The following RXRG variants were observed in gnomAD, a reference collection of about 807,000 sequenced individuals.
RXRG encodes the protein retinoic acid receptor RXR-gamma.
Under a neutral mutation model 49.2 loss-of-function variants are expected in RXRG, and 19 were observed. The ratio of observed to expected loss-of-function variants is 0.39; its 90% confidence interval spans 0.27 to 0.57. The LOEUF (loss-of-function observed/expected upper bound fraction) is 0.57. Ranked by LOEUF, RXRG falls within the 20% of genes least tolerant of loss-of-function variation. The pLI is 0.64. For missense variants in RXRG, 452 were observed against 592.5 expected (o/e 0.76, Z 2.46); for synonymous variants, 224 against 216.6 (o/e 1.03, Z -0.30).
intron 1 of RXRG, among the ~76,000 whole-genome samples, chr1:165,430,893 T>C (rs918612417): frequency 6.6e-6 from 1 of 152,216 alleles, no homozygotes; most frequent in African/African-American, 2.4e-5. Flanking sequence ...TAGAAGCTCT[T>C]ATTCAACCTT....
chr1:165,411,894 T>C (rs1322846297), intron 4 of RXRG, among the ~76,000 whole-genome samples: 1 of 152,182 alleles, frequency 6.6e-6, no homozygotes, highest in South Asian at 2.1e-4. Flanking sequence ...AAAGTCTCTG[T>C]TGGGTTAGTT....
At chr1:165,414,824 C>T (rs982271072) in intron 4 of RXRG, among the ~76,000 whole-genome samples, 1 of 152,170 alleles carries the variant, frequency 6.6e-6, no homozygotes, top group Non-Finnish European at 1.5e-5. Flanking sequence ...ATGACGTAAG[C>T]ACAGAGTAGG....
chr1:165,434,846 C>G (rs1351352177), intron 1 of RXRG, among the ~76,000 whole-genome samples: 1 of 152,244 alleles, frequency 6.6e-6, no homozygotes, highest in East Asian at 1.9e-4. Context: ...TATCCTTTCC[C>G]TGCTTCGCTC....
In RXRG at chr1:165,428,847, T is replaced by A. The variant is rs1435213742; in HGVS notation, c.169A>T (p.Ser57Cys). ...DTPVSAPRTL[S>C]AVGTPLNALG... The stretch of plus-strand genomic sequence containing the variant: ...GCATTGAGGGGGGTCCCCACTGCAC[T>A]CAGAGTCCGTGGGGCACTCACTGGG... The change falls in exon 2 of 10, where the codon AGT (serine) becomes TGT (cysteine). Residue 57 changes from serine (S) to cysteine (C), a missense_variant. Around this residue, in one of 2 missense-constraint regions of RXRG, gnomAD observed 166 missense variants for 151.7 expected, o/e 1.09. Transcript: ENST00000359842. 1.2e-6 allele frequency: 2 copies of A among 1,614,112 alleles called. No homozygotes were observed. Among genetic ancestry groups the A allele is most frequent in the South Asian group, 2.2e-5 (2 of 91,082 alleles).
At chr1:165,436,915 C>G (rs1658832087) in intron 1 of RXRG, 5 of 1,108,718 alleles carry the variant, frequency 4.5e-6, no homozygotes, top group Non-Finnish European at 5.5e-6. Flanking sequence ...AACAACCAAA[C>G]TTGAAAAGTG....
chr1:165,407,356 A>C (rs182249223), intron 8 of RXRG, among the ~76,000 whole-genome samples: 9 of 152,290 alleles, frequency 5.9e-5, no homozygotes, highest in Non-Finnish European at 1.2e-4. Flanking sequence ...ATAATTCTGA[A>C]GGTTCATCTT....
intron 2 of RXRG, among the ~76,000 whole-genome samples, chr1:165,422,044 T>C (rs1658337697): frequency 6.6e-6 from 1 of 151,836 alleles, no homozygotes; most frequent in South Asian, 2.1e-4. Flanking sequence ...TGTCCCCAAG[T>C]CCTCAGAGGG....
At chr1:165,437,032 G>A in intron 1 of RXRG, 1 of 1,237,560 alleles carries the variant, frequency 8.1e-7, no homozygotes, top group Non-Finnish European at 1.0e-6. Context: ...TAGGCTGGTT[G>A]CCTGGGTTTC....
At chr1:165,404,940 G>T (rs569957947) in intron 9 of RXRG, among the ~76,000 whole-genome samples, 1 of 152,222 alleles carries the variant, frequency 6.6e-6, no homozygotes, top group African/African-American at 2.4e-5. Context: ...TGTATTATTA[G>T]TAGAGACAGG....
At chr1:165,429,577 C>T (rs531607737) in intron 1 of RXRG, among the ~76,000 whole-genome samples, 3 of 152,146 alleles carry the variant, frequency 2.0e-5, no homozygotes, top group Non-Finnish European at 4.4e-5. Context: ...TTTCCTATAT[C>T]TATTGAAGCT....
chr1:165,423,029 C>T (rs1389332198), intron 2 of RXRG, among the ~76,000 whole-genome samples: 1 of 152,224 alleles, frequency 6.6e-6, no homozygotes, highest in African/African-American at 2.4e-5. Context: ...ACTTTCTCCC[C>T]AGTCTCAGCC....
At chr1:165,409,463 G>C (rs545840528) in intron 7 of RXRG, 95 bp downstream of exon 7, 1 of 1,250,698 alleles carries the variant, frequency 8.0e-7, no homozygotes, top group Non-Finnish European at 1.0e-6. Flanking sequence ...TCATGCCCAC[G>C]TGAGAATTCA....
intron 4 of RXRG, among the ~76,000 whole-genome samples, chr1:165,414,955 C>T (rs180870192): frequency 6.6e-6 from 1 of 152,262 alleles, no homozygotes; most frequent in East Asian, 1.9e-4. Context: ...TAAATGGCTA[C>T]AATGTATTAG....
At chr1:165,416,522 T>C (rs893046788) in intron 4 of RXRG, among the ~76,000 whole-genome samples, 3 of 152,086 alleles carry the variant, frequency 2.0e-5, no homozygotes, top group Non-Finnish European at 4.4e-5. Context: ...ATATCAAAGA[T>C]TTGATAGCAG....
At chr1:165,404,656 A>G (rs1657688673) in intron 9 of RXRG, among the ~76,000 whole-genome samples, 1 of 152,258 alleles carries the variant, frequency 6.6e-6, no homozygotes, top group Non-Finnish European at 1.5e-5. Flanking sequence ...AATACATAAT[A>G]GTTACACGAG....
At chr1:165,423,022 T>G (rs1486970628) in intron 2 of RXRG, among the ~76,000 whole-genome samples, 1 of 152,186 alleles carries the variant, frequency 6.6e-6, no homozygotes, top group Non-Finnish European at 1.5e-5. Flanking sequence ...TTGGGGCACT[T>G]TCTCCCCAGT....
intron 1 of RXRG, among the ~76,000 whole-genome samples, chr1:165,435,118 G>A (rs953952755): frequency 6.6e-6 from 1 of 152,198 alleles, no homozygotes; most frequent in Non-Finnish European, 1.5e-5. Context: ...GTTCATTGGA[G>A]TATTTGGGAT....
At chr1:165,426,134 G>T (rs1328808223) in intron 2 of RXRG, among the ~76,000 whole-genome samples, 6 of 152,198 alleles carry the variant, frequency 3.9e-5, no homozygotes, top group Non-Finnish European at 7.3e-5. Context: ...GAGCAAGAGT[G>T]GGGCAGTTAG....
Position 165,445,098 on chromosome 1 carries a change from T to C in RXRG, c.-205A>G. 1.7e-6 allele frequency: 1 copy of C among 577,666 alleles called. No homozygotes were observed. The highest frequency in any genetic ancestry group is 3.1e-6 in the Non-Finnish European group (1 of 323,090). The allele number at this position is 577,666 out of a possible 1,614,324, so 35.8% of individuals were successfully genotyped here. On this transcript the variant is annotated 5_prime_UTR_variant, in exon 1 of 10. Transcript: ENST00000359842. Reference sequence around the variant, plus strand: ...AGATCGGAGAGTCCACATAGTGCGTTTGAGACGGCTGTGGCGGCAGCAGCT... The same window carrying C: ...AGATCGGAGAGTCCACATAGTGCGTCTGAGACGGCTGTGGCGGCAGCAGCT...
Sources: gnomAD v4.1 joint callset for allele counts (sites outside exome capture counted in the v4.1 genomes callset) on GRCh38, gnomAD v4.1.1 for gene constraint, gnomAD v4.1.1 regional missense constraint, MANE v1.5 for transcripts, NCBI Gene and HGNC (gene_info 2026-07-23, HGNC 2026-07-21) for gene names.